Variants in SV2C observed in about 807,000 individuals in gnomAD.
SV2C encodes synaptic vesicle glycoprotein 2C.
In SV2C, 49 loss-of-function variants were observed where a neutral mutation model predicts 79.7. That is an observed-to-expected ratio of 0.61 (90% CI 0.49 to 0.78). The LOEUF (loss-of-function observed/expected upper bound fraction) is 0.78, where lower values mean the gene tolerates loss of function less well. SV2C is among the 30% of genes least tolerant of loss of function. The probability of loss-of-function intolerance (pLI) is 0.00; values close to 1 mark genes in which losing one functional copy is unlikely to be tolerated. For synonymous variants in SV2C, 334 were observed against 333.2 expected, an observed-to-expected ratio of 1.00 and a Z score of -0.03; for missense variants, 833 against 912.9, an observed-to-expected ratio of 0.91 and a Z score of 1.13.
the SV2C span, among the ~76,000 whole-genome samples, chr5:76,011,473 C>A: frequency 1.3e-5 from 2 of 152,168 alleles, no homozygotes; most frequent in African/African-American, 4.8e-5. Context: ...TGCTTTTAAA[C>A]ATGATGCCTA....
At chr5:75,965,209 C>A in the SV2C span, among the ~76,000 whole-genome samples, 1 of 152,118 alleles carries the variant, frequency 6.6e-6, no homozygotes, top group East Asian at 1.9e-4. Flanking sequence ...GGGCTTACAA[C>A]CAACCTGAGA....
At chr5:76,263,600 A>G (rs1432498916) in intron 4 of SV2C, among the ~76,000 whole-genome samples, 1 of 152,034 alleles carries the variant, frequency 6.6e-6, no homozygotes, top group Non-Finnish European at 1.5e-5. Flanking sequence ...AGTGGCTGGT[A>G]CCGGTTTTTC....
chr5:76,217,295 T>G (rs1335187594), intron 4 of SV2C, among the ~76,000 whole-genome samples: 1 of 152,200 alleles, frequency 6.6e-6, no homozygotes, highest in Non-Finnish European at 1.5e-5. Flanking sequence ...CTACTTCCTT[T>G]GGCTGGCAGG....
the SV2C span, among the ~76,000 whole-genome samples, chr5:76,078,366 G>A: frequency 5.9e-5 from 9 of 152,334 alleles, no homozygotes; most frequent in Non-Finnish European, 1.0e-4. Flanking sequence ...GGACTTTGAA[G>A]TCCAGGAGGC....
chr5:75,855,833 T>A, the SV2C span, among the ~76,000 whole-genome samples: 1 of 152,220 alleles, frequency 6.6e-6, no homozygotes, highest in African/African-American at 2.4e-5. Context: ...TATTGTCAAA[T>A]GGACAATTAA....
At chr5:76,278,745 T>C (rs1333278052) in intron 4 of SV2C, among the ~76,000 whole-genome samples, 1 of 152,236 alleles carries the variant, frequency 6.6e-6, no homozygotes, top group Non-Finnish European at 1.5e-5. Context: ...GCAGTCTACA[T>C]AGGCCTTAGG....
rs970304505 is a variant in SV2C at position 76,332,483 on chromosome 5, T to G, written c.*6936T>G. Reference sequence around the variant, plus strand: ...TACTAAAAAATTAAATAAGATTAGATAAATTATAGCTAAAAGCAAAGGCAA... The same window carrying G: ...TACTAAAAAATTAAATAAGATTAGAGAAATTATAGCTAAAAGCAAAGGCAA... On this transcript the variant is annotated 3_prime_UTR_variant, in exon 13 of 13. Transcript: ENST00000502798. The G allele has an allele frequency of 1.3e-5, 2 of 152,164 alleles. No individual in the cohort carries two copies. Among genetic ancestry groups the G allele is most frequent in the Non-Finnish European group, 2.9e-5 (2 of 68,030 alleles). The allele number at this position is 152,164 out of a possible 1,614,324, so 9.4% of individuals were successfully genotyped here.
At chr5:76,172,288 TGGG>T (rs1199468988) in intron 2 of SV2C, among the ~76,000 whole-genome samples, 14 of 7,414 alleles carry the variant, frequency 1.9e-3, no homozygotes, top group Admixed American at 4.9e-3. Context: ...GGGAGGGAGG[TGGG>T]GGGGGGGGTC....
chr5:76,075,065 G>C, the SV2C span, among the ~76,000 whole-genome samples: 1 of 152,200 alleles, frequency 6.6e-6, no homozygotes, highest in African/African-American at 2.4e-5. Context: ...CTACACAACA[G>C]AGGTAGGGCT....
the SV2C span, among the ~76,000 whole-genome samples, chr5:76,022,769 T>C: frequency 2.0e-5 from 3 of 152,238 alleles, no homozygotes; most frequent in South Asian, 6.2e-4. Flanking sequence ...AAATACTTTT[T>C]TTCCCTTCAA....
chr5:76,352,114 G>GA, intron 12 of SV2C, among the ~76,000 whole-genome samples: 1 of 152,302 alleles, frequency 6.6e-6, no homozygotes, highest in South Asian at 2.1e-4. Flanking sequence ...TTGAGCGGCT[G>GA]AGGCAGGAGA....
At chr5:75,997,314 GA>G in the SV2C span, among the ~76,000 whole-genome samples, 1 of 151,998 alleles carries the variant, frequency 6.6e-6, no homozygotes, top group Admixed American at 6.6e-5. Context: ...AAAAGCAATG[GA>G]CAACAAAAGC....
At chr5:75,932,794 C>T in the SV2C span, among the ~76,000 whole-genome samples, 2 of 152,220 alleles carry the variant, frequency 1.3e-5, no homozygotes, top group Non-Finnish European at 2.9e-5. Context: ...CACATTGCTA[C>T]AGAAATCCTG....
intron 12 of SV2C, chr5:76,311,560 A>G (rs1748440916): frequency 6.6e-6 from 1 of 152,238 alleles, no homozygotes; most frequent in African/African-American, 2.4e-5. Flanking sequence ...TATTGAATAT[A>G]CAAGTCATTG....
At chr5:75,850,002 G>T in the SV2C span, among the ~76,000 whole-genome samples, 1 of 151,944 alleles carries the variant, frequency 6.6e-6, no homozygotes, top group Admixed American at 6.6e-5. Context: ...GTTTTCTGAA[G>T]TAAGAATTTT....
intron 4 of SV2C, among the ~76,000 whole-genome samples, chr5:76,243,795 CG>C (rs1458383053): frequency 6.6e-6 from 1 of 152,186 alleles, no homozygotes; most frequent in Non-Finnish European, 1.5e-5. Flanking sequence ...AAGTCCTGGC[CG>C]GGCCCTCCTT....
rs1191127219 is a variant in SV2C at position 76,330,193 on chromosome 5, C to T, written c.*4646C>T. 3.3e-5 allele frequency: 5 copies of T among 152,102 alleles called. No homozygotes were observed. The highest frequency in any genetic ancestry group is 2.1e-4 in the South Asian group (1 of 4,818). The allele number at this position is 152,102 out of a possible 1,614,324, so 9.4% of individuals were successfully genotyped here. A position where few individuals can be genotyped will look rare whatever the true frequency, so the allele number is the denominator to read the frequency against. The stretch of plus-strand genomic sequence containing the variant: ...AATGTTGACCATTCCTCTTGTCGCC[C>T]GTCTCTCACCAACCAGTCACAGAGC... On this transcript the variant is annotated 3_prime_UTR_variant, in exon 13 of 13. Transcript: ENST00000502798.
the SV2C span, among the ~76,000 whole-genome samples, chr5:75,960,447 A>T: frequency 6.6e-6 from 1 of 152,038 alleles, no homozygotes; most frequent in African/African-American, 2.4e-5. Context: ...ATTGTAGCAC[A>T]ATGCATTACT....
the SV2C span, among the ~76,000 whole-genome samples, chr5:75,990,503 A>G: frequency 7.2e-5 from 11 of 151,894 alleles, no homozygotes; most frequent in Non-Finnish European, 1.3e-4. Context: ...GTTCTGTTCC[A>G]ACTAAGAATC....
Sources: allele counts gnomAD v4.1 joint callset (sites outside exome capture counted in the v4.1 genomes callset), GRCh38; gene constraint gnomAD v4.1.1; transcripts MANE v1.5; gene names NCBI Gene and HGNC (gene_info 2026-07-23, HGNC 2026-07-21).